DMXL1: variants seen among roughly 807,000 people sequenced by gnomAD.
DMXL1 encodes Dmx like 1.
A neutral mutation model predicts 319.2 loss-of-function variants in DMXL1; 99 were observed. That is an observed-to-expected ratio of 0.31 (90% confidence interval 0.26 to 0.37). The LOEUF is 0.37. DMXL1 is among the 10% of genes least tolerant of loss of function. The pLI is 1.00. For missense variants in DMXL1, 3,745 were observed against 3,595.6 expected (o/e 1.04, Z -1.06); for synonymous variants, 1,385 against 1,235.2 (o/e 1.12, Z -2.54).
At chr5:119,159,491 C>G (rs1771793609) in intron 19 of DMXL1, among the ~76,000 whole-genome samples, 1 of 152,198 alleles carries the variant, frequency 6.6e-6, no homozygotes, top group Non-Finnish European at 1.5e-5. Flanking sequence ...GGCAGGTTGT[C>G]TGTGTCTAGG....
intron 29 of DMXL1, among the ~76,000 whole-genome samples, chr5:119,191,747 A>G (rs1044075696): frequency 6.6e-6 from 1 of 152,116 alleles, no homozygotes; most frequent in East Asian, 1.9e-4. Flanking sequence ...TTTAAAGACA[A>G]TCCTGTCTGG....
chr5:119,114,479 G>A lies in DMXL1; in HGVS notation c.502G>A (p.Ala168Thr). 1 of 1,604,652 alleles carries A rather than the reference G, an allele frequency of 6.2e-7. No homozygotes were observed. Among genetic ancestry groups the A allele is most frequent in the Non-Finnish European group, 8.5e-7 (1 of 1,175,364 alleles). The change falls in exon 6 of 44, where the codon GCT becomes ACT. Residue 168 changes from alanine to threonine, a missense_variant. Ala to Thr is a moderately conservative substitution (Grantham distance 58). Around this residue, in one of 4 missense-constraint regions of DMXL1, gnomAD observed 2,096 missense variants for 1,985.4 expected, o/e 1.06. Coordinates refer to ENST00000539542, the MANE Select transcript of DMXL1 (RefSeq NM_001290321.3). The part of the protein sequence containing the change: ...DWKCIWHCKT[A>T]SQVHLMKFSP... The stretch of plus-strand genomic sequence containing the variant: ...CCTTATCTGTTTAATTTACAGAACT[G>A]CTTCCCAAGTTCATTTAATGAAATT...
chr5:119,177,506 C>G, intron 27 of DMXL1, 22 bp downstream of exon 27: 1 of 1,569,790 alleles, frequency 6.4e-7, no homozygotes, highest in Non-Finnish European at 8.6e-7. Context: ...ATGTATAGAT[C>G]AGTTTTTTCT....
intron 32 of DMXL1, among the ~76,000 whole-genome samples, chr5:119,202,881 ATTTT>A (rs1554139411): frequency 5.6e-4 from 50 of 89,168 alleles, no homozygotes; most frequent in African/African-American, 1.7e-3. Context: ...ATATATATAT[ATTTT>A]TATATATATA....
Position 119,234,952 on chromosome 5 carries a change from T to C in DMXL1, c.8466+1485T>C, listed in dbSNP as rs772450109. On this transcript the variant is annotated intron_variant, in intron 39 of 43. Transcript: ENST00000539542. ...TTAACACTCACTACAGCCTTCTGCA[T>C]AGGCTATTTTAAGGCACAAAAAACT... is the stretch of plus-strand genomic sequence containing the variant. Among the ~76,000 whole-genome samples the C allele has an allele frequency of 2.7e-4, 41 of 152,292 alleles. 1 individual carries two copies. The highest frequency in any genetic ancestry group is 6.8e-3 in the Middle Eastern group (2 of 294).
intron 1 of DMXL1, among the ~76,000 whole-genome samples, chr5:119,092,454 C>T (rs1373575918): frequency 1.3e-5 from 2 of 152,016 alleles, no homozygotes; most frequent in African/African-American, 4.8e-5. Flanking sequence ...GAAACACCAC[C>T]TTTTTGGAGC....
At position 119,149,249 on chromosome 5, in the gene DMXL1, A is replaced by C. The variant is rs1436080233; in HGVS notation, c.3422A>C (p.His1141Pro). 1 of 1,613,932 alleles carries C rather than the reference A, an allele frequency of 6.2e-7. No individual in the cohort carries two copies. The change falls in exon 18 of 44, where the codon CAC becomes CCC. Residue 1141 changes from histidine (H) to proline (P), a missense_variant. By Grantham distance (77) the His-to-Pro change is moderately conservative. This residue lies in a region of DMXL1 where 2,096 missense variants were observed against 1,985.4 expected (regional missense o/e 1.06). Coordinates refer to ENST00000539542, the MANE Select transcript of DMXL1 (RefSeq NM_001290321.3). ...NITSNTKHLV[H>P]LDWMSREDGS... is the part of the protein sequence containing the mutation. ...ACATCAAACACAAAGCATTTAGTTC[A>C]CTTAGATTGGATGTCTAGAGAAGAC...
chr5:119,228,019 CAAAAT>C (rs1015509556), intron 38 of DMXL1, among the ~76,000 whole-genome samples: 35 of 152,212 alleles, frequency 2.3e-4, no homozygotes, highest in African/African-American at 7.7e-4. Flanking sequence ...ATCTGGAAAA[CAAAAT>C]AAAGACCTAG....
At chr5:119,086,469 G>A (rs914387248) in intron 1 of DMXL1, among the ~76,000 whole-genome samples, 19 of 152,174 alleles carry the variant, frequency 1.2e-4, no homozygotes, top group African/African-American at 3.1e-4. Flanking sequence ...GAGAATTTTT[G>A]TATCTGTCTT....
At chr5:119,140,340 G>A (rs1767023010) in intron 13 of DMXL1, among the ~76,000 whole-genome samples, 1 of 152,082 alleles carries the variant, frequency 6.6e-6, no homozygotes, top group Admixed American at 6.5e-5. Flanking sequence ...GGAAATGGCT[G>A]TTTGAAAAGA....
intron 32 of DMXL1, among the ~76,000 whole-genome samples, chr5:119,199,893 C>T (rs1780380577): frequency 6.6e-6 from 1 of 152,110 alleles, no homozygotes; most frequent in South Asian, 2.1e-4. Context: ...AGTGTCTGTT[C>T]ATGTCCTTTG....
In DMXL1 at chr5:119,166,775, A is replaced by C; in HGVS notation, c.5130A>C (p.Ala1710=). ...FFLLAGCLRD[A]IEVCLEKLND... ...TTTTAGCTGGTTGCCTCAGAGATGC[A>C]ATTGAGGTAATGAGTGAAATTTAAA... The change falls in exon 22 of 44, where the codon GCA becomes GCC. Residue 1710 remains alanine (A), a synonymous_variant. Coordinates refer to ENST00000539542, the MANE Select transcript of DMXL1 (RefSeq NM_001290321.3). 6.2e-7 allele frequency: 1 copy of C among 1,607,416 alleles called. No homozygotes were observed. The highest frequency in any genetic ancestry group is 8.5e-7 in the Non-Finnish European group (1 of 1,177,392).
chr5:119,128,223 A>G (rs1764035093), intron 9 of DMXL1: 5 of 382,600 alleles, frequency 1.3e-5, no homozygotes, highest in Non-Finnish European at 2.5e-5. Context: ...GATACTCTGG[A>G]GAATACAGAG....
intron 9 of DMXL1, chr5:119,127,178 T>G (rs984060779): frequency 4.9e-5 from 8 of 164,468 alleles, no homozygotes; most frequent in Non-Finnish European, 1.4e-5. Context: ...ATCTTTCAAG[T>G]CTTGTATGTG....
At chr5:119,085,946 T>C (rs529459396) in intron 1 of DMXL1, among the ~76,000 whole-genome samples, 2 of 152,198 alleles carry the variant, frequency 1.3e-5, no homozygotes, top group Non-Finnish European at 2.9e-5. Flanking sequence ...AACTATCATA[T>C]GGTTTTTGTT....
At chr5:119,125,724 C>G (rs946084986) in intron 9 of DMXL1, among the ~76,000 whole-genome samples, 1 of 152,006 alleles carries the variant, frequency 6.6e-6, no homozygotes, top group Non-Finnish European at 1.5e-5. Context: ...GCCACCACTC[C>G]TGGCTACTTT....
chr5:119,150,183 A>C lies in DMXL1; in HGVS notation c.4356A>C (p.Leu1452=). ...ATGAGCTTTTTCAGACTCAACTTCT[A>C]ATGACTGATACTCATATGTTAGAGA... ...SYDELFQTQL[L]MTDTHMLETD... Residue 1452 remains leucine, a synonymous_variant, in exon 18 of 44, where the codon CTA becomes CTC. Transcript: ENST00000539542. 6.2e-7 allele frequency: 1 copy of C among 1,613,842 alleles called. No individual in the cohort carries two copies. The highest frequency in any genetic ancestry group is 8.5e-7 in the Non-Finnish European group (1 of 1,179,850).
At chr5:119,224,849 G>A (rs1785249313) in intron 38 of DMXL1, 80 bp downstream of exon 38, 1 of 602,982 alleles carries the variant, frequency 1.7e-6, no homozygotes, top group Admixed American at 3.3e-5. Context: ...GAAATGTGTG[G>A]GAACCTTTTT....
intron 3 of DMXL1, among the ~76,000 whole-genome samples, chr5:119,103,310 T>C (rs1329807390): frequency 6.6e-6 from 1 of 152,242 alleles, no homozygotes; most frequent in Admixed American, 6.5e-5. Context: ...CTAAACTGTT[T>C]TAATAGCAGA....
Sources: allele counts gnomAD v4.1 joint callset (sites outside exome capture counted in the v4.1 genomes callset), GRCh38; gene constraint gnomAD v4.1.1; regional missense constraint gnomAD v4.1.1; transcripts MANE v1.5; gene names NCBI Gene and HGNC (gene_info 2026-07-23, HGNC 2026-07-21).